Variants in GAK observed in about 807,000 individuals in gnomAD.
GAK encodes the protein cyclin-G-associated kinase.
A neutral mutation model predicts 143.9 loss-of-function variants in GAK; 79 were observed. That is an observed-to-expected ratio of 0.55 (90% CI 0.46 to 0.66). The LOEUF (loss-of-function observed/expected upper bound fraction) is 0.66, where lower values mean the gene tolerates loss of function less well. GAK is among the 30% of genes least tolerant of loss of function. The probability of loss-of-function intolerance (pLI) is 0.00; values close to 1 mark genes in which losing one functional copy is unlikely to be tolerated. For synonymous variants in GAK, 881 were observed against 765.5 expected (o/e 1.15, Z -2.49); for missense variants, 1,693 against 1,779.7 (o/e 0.95, Z 0.88).
At chr4:887,646 G>T (rs567550206) in intron 11 of GAK, 4 of 145,756 alleles carry the variant, frequency 2.7e-5, no homozygotes, top group African/African-American at 5.2e-5. Context: ...TGCAGTTCAC[G>T]TGCACTCACA....
chr4:873,803 T>G (rs772501907), intron 18 of GAK, among the ~76,000 whole-genome samples: 3 of 152,198 alleles, frequency 2.0e-5, no homozygotes, highest in Admixed American at 6.5e-5. Context: ...ATGGCTCCTG[T>G]AAGCAGTATA....
intron 18 of GAK, among the ~76,000 whole-genome samples, chr4:874,700 T>C (rs1480206489): frequency 6.6e-6 from 1 of 152,140 alleles, no homozygotes; most frequent in Non-Finnish European, 1.5e-5. Context: ...CTTTGGCGTC[T>C]GCAGAGCTTG....
At chr4:917,399 T>C (rs962100846) in intron 1 of GAK, among the ~76,000 whole-genome samples, 10 of 150,720 alleles carry the variant, frequency 6.6e-5, no homozygotes, top group African/African-American at 2.5e-4. Flanking sequence ...CACAAATGGA[T>C]CTATAGTAAC....
chr4:877,213 G>T lies in GAK; in HGVS notation c.1857-6C>A, dbSNP rs750891062. Reference sequence around the variant, plus strand: ...CATCTTCAATCTTAAAGTCCCTAAGGACAGAATGACAAGAGAAAAATTTTA... The same window carrying T: ...CATCTTCAATCTTAAAGTCCCTAAGTACAGAATGACAAGAGAAAAATTTTA... On this transcript the variant is annotated splice_polypyrimidine_tract_variant and splice_region_variant and intron_variant, in intron 16 of 27. Coordinates refer to ENST00000314167, the MANE Select transcript of GAK (RefSeq NM_005255.4). 3.7e-5 allele frequency: 59 copies of T among 1,592,706 alleles called. No homozygotes were observed. The highest frequency in any genetic ancestry group is 3.3e-4 in the Middle Eastern group (2 of 6,058).
rs549389239 is a variant in GAK at position 859,581 on chromosome 4, A to G, written c.3283+25T>C. The G allele has an allele frequency of 2.0e-5, 32 of 1,586,490 alleles. No individual in the cohort carries two copies. In the Middle Eastern group the frequency reaches 5.0e-4, roughly 25 times the overall value. On this transcript the variant is annotated intron_variant, in intron 24 of 27. Coordinates refer to ENST00000314167, the MANE Select transcript of GAK (RefSeq NM_005255.4). ...CCTCCTACAAGGAAACAGCTTCCAC[A>G]CCCCCAAAGTGCCCTCCACGTTACC... is the stretch of plus-strand genomic sequence containing the variant.
intron 26 of GAK, 89 bp from the exon 27 acceptor site, chr4:850,157 G>T: frequency 1.5e-6 from 2 of 1,331,728 alleles, no homozygotes; most frequent in Non-Finnish European, 2.0e-6. Flanking sequence ...CGCTGAGGAA[G>T]TGCCTGGTCA....
At chr4:899,048 C>T (rs1368109600) in intron 5 of GAK, among the ~76,000 whole-genome samples, 1 of 152,144 alleles carries the variant, frequency 6.6e-6, no homozygotes, top group African/African-American at 2.4e-5. Context: ...GGCAGCAACG[C>T]AGTGACTCAG....
chr4:849,681 G>A lies in GAK; in HGVS notation c.3928C>T (p.Leu1310Phe). 6.2e-7 allele frequency: 1 copy of A among 1,612,118 alleles called. No homozygotes were observed. Among genetic ancestry groups the A allele is most frequent in the Non-Finnish European group, 8.5e-7 (1 of 1,178,960 alleles). ...CCACCACCACTGCGGCCTCAGAAGA[G>A]GGGCCGGGAGCCCTGGTTCTCAAAC... ...SEFENQGSRP[L>F]F The change falls in exon 28 of 28, where the codon CTC (leucine) becomes TTC (phenylalanine). Residue 1310 changes from leucine (L) to phenylalanine (F), a missense_variant. This residue lies in a region of GAK where 822 missense variants were observed against 788.7 expected (regional missense o/e 1.04). Transcript: ENST00000314167.
Position 859,604 on chromosome 4 carries a change from A to C in GAK, c.3283+2T>G, listed in dbSNP as rs1434878148. On this transcript the variant is annotated splice_donor_variant, in intron 24 of 27. Transcript: ENST00000314167. LOFTEE classifies it high-confidence loss of function. Reference sequence around the variant, plus strand: ...ACACCCCCAAAGTGCCCTCCACGTTACCTTGGAGGCCGGAGCTGAGGTCGC... The same window carrying C: ...ACACCCCCAAAGTGCCCTCCACGTTCCCTTGGAGGCCGGAGCTGAGGTCGC... 6.3e-7 allele frequency: 1 copy of C among 1,594,664 alleles called. No individual in the cohort carries two copies. The highest frequency in any genetic ancestry group is 1.7e-5 in the Admixed American group (1 of 59,638).
In GAK at chr4:851,839, T is replaced by G; in HGVS notation, c.3419A>C (p.Lys1140Thr). The change falls in exon 25 of 28, where the codon AAA becomes ACA. Residue 1140 changes from lysine to threonine, a missense_variant. Transcript: ENST00000314167. Reference sequence around the variant, plus strand: ...GTTAGGCCTTGGCTGTGTGCAGGCTTTGGGGGGCGGCTTGGCCTGAGGGGG... The same window carrying G: ...GTTAGGCCTTGGCTGTGTGCAGGCTGTGGGGGGCGGCTTGGCCTGAGGGGG... ...SWPPQAKPPP[K>T]ACTQPRPNYA... 6.2e-7 allele frequency: 1 copy of G among 1,609,446 alleles called. No homozygotes were observed. The highest frequency in any genetic ancestry group is 8.5e-7 in the Non-Finnish European group (1 of 1,177,254).
chr4:849,833 G>GGGGGGGGGGGCCCCCCCCC, intron 27 of GAK, 59 bp from the exon 28 acceptor site: 2 of 1,190,156 alleles, frequency 1.7e-6, no homozygotes, highest in Non-Finnish European at 2.3e-6. Flanking sequence ...GGCGGGGCAG[G>GGGGGGGGGGGCCCCCCCCC]ACCCCCCCCC....
intron 4 of GAK, among the ~76,000 whole-genome samples, chr4:910,385 C>G (rs989758310): frequency 7.2e-6 from 1 of 138,988 alleles, no homozygotes; most frequent in African/African-American, 2.7e-5. Flanking sequence ...GCACGGGATG[C>G]CCCCATCCCA....
chr4:851,449 C>T (rs928304159), intron 25 of GAK: 13 of 517,646 alleles, frequency 2.5e-5, no homozygotes, highest in East Asian at 1.7e-4. Flanking sequence ...CTGCTGCCCC[C>T]GGGAACAGGG....
intron 15 of GAK, among the ~76,000 whole-genome samples, chr4:880,642 T>C (rs1714907301): frequency 6.6e-6 from 1 of 151,848 alleles, no homozygotes; most frequent in Non-Finnish European, 1.5e-5. Flanking sequence ...CTGGCCTCCT[T>C]CTCTTCTGGG....
intron 4 of GAK, among the ~76,000 whole-genome samples, chr4:909,271 T>C (rs1721612868): frequency 6.6e-6 from 1 of 152,260 alleles, no homozygotes; most frequent in African/African-American, 2.4e-5. Context: ...TTAATCCCAC[T>C]GGTTTCAGCA....
chr4:893,283 C>A, intron 9 of GAK, 94 bp downstream of exon 9: 1 of 881,514 alleles, frequency 1.1e-6, no homozygotes, highest in Non-Finnish European at 1.7e-6. Context: ...CTGGGGCTCA[C>A]ATGTGCCTCC....
At chr4:917,757 G>A (rs946934896) in intron 1 of GAK, among the ~76,000 whole-genome samples, 14 of 152,286 alleles carry the variant, frequency 9.2e-5, no homozygotes, top group South Asian at 6.2e-4. Context: ...GACATGTGCC[G>A]AAACATTTAA....
Position 878,301 on chromosome 4 carries a change from A to G in GAK, c.1662-492T>C, listed in dbSNP as rs151246226. Among the ~76,000 whole-genome samples, 26 of 151,634 alleles carry G rather than the reference A, an allele frequency of 1.7e-4. No homozygotes were observed. In the East Asian group the frequency reaches 4.4e-3, roughly 26 times the overall value. Reference sequence around the variant, plus strand: ...CTACTCGGGAGGGCTAAGGCAGGAGAACTGCTTAAACCTGGGAGGTGGAGA... The same window carrying G: ...CTACTCGGGAGGGCTAAGGCAGGAGGACTGCTTAAACCTGGGAGGTGGAGA... On this transcript the variant is annotated intron_variant, in intron 15 of 27. Transcript: ENST00000314167.
At chr4:849,834 A>ACCCCCCCCCCCCCCCCCCCCCCCCCAGGC (rs33919242) in intron 27 of GAK, 58 bp downstream of exon 27, 1 of 839,146 alleles carries the variant, frequency 1.2e-6, no homozygotes, top group Non-Finnish European at 1.8e-6. Flanking sequence ...GCGGGGCAGG[A>ACCCCCCCCCCCCCCCCCCCCCCCCCAGGC]CCCCCCCCCC....
Sources: allele counts gnomAD v4.1 joint callset (sites outside exome capture counted in the v4.1 genomes callset), GRCh38; gene constraint gnomAD v4.1.1; regional missense constraint gnomAD v4.1.1; transcripts MANE v1.5; gene names NCBI Gene and HGNC (gene_info 2026-07-23, HGNC 2026-07-21).